Variants in ALCAM observed in about 807,000 individuals in gnomAD.
The protein encoded by ALCAM is activated leukocyte cell adhesion molecule.
In ALCAM, 30 loss-of-function variants were observed where a neutral mutation model predicts 70.9. The ratio of observed to expected loss-of-function variants is 0.42; its 90% CI spans 0.32 to 0.57. The LOEUF is 0.57. ALCAM is among the 20% of genes least tolerant of loss of function. ALCAM has a pLI of 0.11. For missense variants in ALCAM, 591 were observed against 695.1 expected (o/e 0.85, Z 1.68); for synonymous variants, 249 against 242.5 (o/e 1.03, Z -0.25).
intron 1 of ALCAM, among the ~76,000 whole-genome samples, chr3:105,382,784 G>T (rs1935559282): frequency 1.3e-5 from 2 of 151,866 alleles, no homozygotes; most frequent in East Asian, 1.9e-4. Flanking sequence ...TTTTGATGGG[G>T]TTGTTTGTTT....
chr3:105,544,983 A>G (rs1940209369), intron 8 of ALCAM: 1 of 415,834 alleles, frequency 2.4e-6, no homozygotes, highest in Non-Finnish European at 4.6e-6. Context: ...AATCACGTTA[A>G]CTGCAAATAA....
At chr3:105,435,883 C>A (rs893332265) in intron 1 of ALCAM, among the ~76,000 whole-genome samples, 1 of 151,968 alleles carries the variant, frequency 6.6e-6, no homozygotes, top group South Asian at 2.1e-4. Context: ...CTCCGCCTCC[C>A]GGGTTCACGC....
At chr3:105,421,872 C>T (rs1003895821) in intron 1 of ALCAM, among the ~76,000 whole-genome samples, 4 of 150,806 alleles carry the variant, frequency 2.7e-5, no homozygotes, top group African/African-American at 9.7e-5. Context: ...TTTTGGGGTA[C>T]AAGTTTTCTT....
At chr3:105,374,304 C>G (rs759072444) in intron 1 of ALCAM, among the ~76,000 whole-genome samples, 10 of 152,026 alleles carry the variant, frequency 6.6e-5, no homozygotes, top group Non-Finnish European at 1.2e-4. Flanking sequence ...ACCTATAATC[C>G]TAGCACTTTG....
At chr3:105,389,254 CG>C (rs1298096373) in intron 1 of ALCAM, among the ~76,000 whole-genome samples, 17 of 150,234 alleles carry the variant, frequency 1.1e-4, no homozygotes, top group Admixed American at 1.1e-3. Flanking sequence ...ATTAAAAATA[CG>C]GGATGAAAGT....
chr3:105,433,751 TC>T (rs1936988612), intron 1 of ALCAM, among the ~76,000 whole-genome samples: 1 of 146,184 alleles, frequency 6.8e-6, no homozygotes, highest in South Asian at 2.2e-4. Flanking sequence ...GAAAGGGCTT[TC>T]TATCACCTTA....
chr3:105,519,961 A>G (rs1939487218), intron 1 of ALCAM, 106 bp from the exon 2 acceptor site: 6 of 639,582 alleles, frequency 9.4e-6, no homozygotes, highest in Middle Eastern at 2.6e-4. Context: ...GCAGATGACA[A>G]CCTTCATCGA....
intron 1 of ALCAM, among the ~76,000 whole-genome samples, chr3:105,445,127 G>A (rs1281583899): frequency 6.6e-6 from 1 of 152,080 alleles, no homozygotes; most frequent in Non-Finnish European, 1.5e-5. Context: ...AATTAATCAA[G>A]CTGTCCTACT....
At chr3:105,518,566 A>T (rs1395611447) in intron 1 of ALCAM, among the ~76,000 whole-genome samples, 1 of 152,022 alleles carries the variant, frequency 6.6e-6, no homozygotes, top group Non-Finnish European at 1.5e-5. Context: ...TATTTTAACA[A>T]AGTTGAATAA....
chr3:105,384,503 G>T (rs1935600607), intron 1 of ALCAM, among the ~76,000 whole-genome samples: 1 of 151,234 alleles, frequency 6.6e-6, no homozygotes, highest in South Asian at 2.1e-4. Context: ...GTTTTACTCT[G>T]CCAATTCCCA....
intron 1 of ALCAM, among the ~76,000 whole-genome samples, chr3:105,403,886 TA>T (rs1233215204): frequency 6.6e-6 from 1 of 150,404 alleles, no homozygotes; most frequent in Non-Finnish European, 1.5e-5. Context: ...ATAGCATAAA[TA>T]AAAAACAATC....
chr3:105,531,999 T>C lies in ALCAM; in HGVS notation c.395-3T>C. On this transcript the variant is annotated splice_region_variant and splice_polypyrimidine_tract_variant and intron_variant, in intron 3 of 15. Transcript: ENST00000306107. ...CTTAAAATCTTTCTCTGCTTAACTT[T>C]AGAGCAACCATCTAAACCTGAAATT... 1 of 1,612,976 alleles carries C rather than the reference T, an allele frequency of 6.2e-7. No homozygotes were observed.
chr3:105,540,955 GA>G (rs528871512), intron 7 of ALCAM, among the ~76,000 whole-genome samples: 1,527 of 152,052 alleles, frequency 0.01, 17 homozygotes, highest in Middle Eastern at 0.027. Flanking sequence ...CTTTGCGAAG[GA>G]AAATTTAAAA....
At chr3:105,552,972 T>C in intron 14 of ALCAM, 6 of 1,022,114 alleles carry the variant, frequency 5.9e-6, no homozygotes, top group Non-Finnish European at 7.0e-6. Context: ...CAGGTGTCTT[T>C]GCAGTGACAC....
chr3:105,467,224 A>G (rs897650526), intron 1 of ALCAM, among the ~76,000 whole-genome samples: 2 of 151,318 alleles, frequency 1.3e-5, no homozygotes, highest in Non-Finnish European at 3.0e-5. Context: ...TTTCTTTTTC[A>G]TCATTTCTAT....
In ALCAM at chr3:105,550,133, G is replaced by T. The variant is rs1559652966; in HGVS notation, c.1381G>T (p.Glu461Ter). The change falls in exon 12 of 16, where the codon GAA becomes TAA. Residue 461 changes from glutamate (E) to a stop codon, truncating the protein, a stop_gained. Coordinates refer to ENST00000306107, the MANE Select transcript of ALCAM (RefSeq NM_001627.4). LOFTEE classifies it high-confidence loss of function. ...TTTTTTCTTCTTTTTCCAGACAGAG[G>T]AATCTCCTTATATTAATGGCAGGTA... ...GSGSVINQTE[E>*]SPYINGRYYS... 6.3e-7 allele frequency: 1 copy of T among 1,583,874 alleles called. No homozygotes were observed. The highest frequency in any genetic ancestry group is 8.6e-7 in the Non-Finnish European group (1 of 1,160,194).
chr3:105,571,931 G>T lies in ALCAM; in HGVS notation c.1744G>T (p.Glu582Ter), dbSNP rs147584537. 6.2e-7 allele frequency: 1 copy of T among 1,611,602 alleles called. No homozygotes were observed. The highest frequency in any genetic ancestry group is 8.5e-7 in the Non-Finnish European group (1 of 1,178,170). Residue 582 changes from glutamate to a stop codon, truncating the protein, a stop_gained, in exon 15 of 16, where the codon GAA becomes TAA. Transcript: ENST00000306107. LOFTEE classifies it high-confidence loss of function. The stretch of plus-strand genomic sequence containing the variant: ...GTTAGAAGAAAACAATCACAAAACT[G>T]AAGCCTAAGAGAGAAACTGTCCTAG... ...KKLEENNHKT[E>*]A is the part of the protein sequence containing the mutation.
intron 1 of ALCAM, among the ~76,000 whole-genome samples, chr3:105,493,121 T>G (rs565031944): frequency 6.6e-6 from 1 of 152,200 alleles, no homozygotes; most frequent in Non-Finnish European, 1.5e-5. Flanking sequence ...CTGTGTTGTA[T>G]CAGAAGCTAT....
chr3:105,464,526 C>A (rs1302852848), intron 1 of ALCAM, among the ~76,000 whole-genome samples: 6 of 151,136 alleles, frequency 4.0e-5, no homozygotes, highest in Non-Finnish European at 7.4e-5. Context: ...CATATTAGGA[C>A]AAATAACAAC....
Sources: gnomAD v4.1 joint callset for allele counts (sites outside exome capture counted in the v4.1 genomes callset) on GRCh38, gnomAD v4.1.1 for gene constraint, MANE v1.5 for transcripts, NCBI Gene and HGNC (gene_info 2026-07-23, HGNC 2026-07-21) for gene names.